The following IMMP2L variants were observed in gnomAD, a reference collection of about 807,000 sequenced individuals.
IMMP2L encodes inner mitochondrial membrane peptidase subunit 2.
IMMP2L carries 18 observed loss-of-function variants against 19.3 expected under a neutral mutation model. The observed-to-expected ratio is 0.93, with a 90% confidence interval of 0.64 to 1.38. The LOEUF is 1.38. Among genes scored for constraint, IMMP2L ranks in the 40% most tolerant of loss-of-function variants. The pLI, the probability that IMMP2L is intolerant of heterozygous loss-of-function variation, is 0.00. For missense variants in IMMP2L, 233 were observed against 218.2 expected (o/e 1.07, Z -0.43); for synonymous variants, 76 against 73.0 (o/e 1.04, Z -0.21).
intron 3 of IMMP2L, among the ~76,000 whole-genome samples, chr7:111,210,907 A>ATAAG (rs1209168603): frequency 1.3e-5 from 2 of 151,520 alleles, no homozygotes; most frequent in Non-Finnish European, 2.9e-5. Context: ...GTAGATAAGG[A>ATAAG]TAAGGCCTTT....
At chr7:110,999,988 C>T (rs1823491483) in intron 3 of IMMP2L, among the ~76,000 whole-genome samples, 1 of 152,168 alleles carries the variant, frequency 6.6e-6, no homozygotes, top group Non-Finnish European at 1.5e-5. Flanking sequence ...ACTCCCTTTT[C>T]TCTGGAATAT....
At chr7:110,899,205 A>G (rs931338249) in intron 4 of IMMP2L, among the ~76,000 whole-genome samples, 5 of 152,128 alleles carry the variant, frequency 3.3e-5, no homozygotes, top group African/African-American at 1.2e-4. Flanking sequence ...TTATCTACTA[A>G]TAACATTTCT....
chr7:111,393,057 C>T (rs553587839), intron 3 of IMMP2L: 30 of 316,578 alleles, frequency 9.5e-5, no homozygotes, highest in Non-Finnish European at 1.9e-4. Flanking sequence ...ATCTCCAGCC[C>T]CTTTGCCCTC....
intron 5 of IMMP2L, among the ~76,000 whole-genome samples, chr7:110,863,808 T>C (rs1807703106): frequency 6.6e-6 from 1 of 152,152 alleles, no homozygotes; most frequent in African/African-American, 2.4e-5. Context: ...TTTCAGCTTA[T>C]GATGGTTTTA....
intron 3 of IMMP2L, among the ~76,000 whole-genome samples, chr7:111,054,310 C>A (rs1793290605): frequency 6.6e-6 from 1 of 152,070 alleles, no homozygotes; most frequent in Non-Finnish European, 1.5e-5. Context: ...ATTTTTTAAG[C>A]ATAAGAGCTT....
intron 3 of IMMP2L, among the ~76,000 whole-genome samples, chr7:111,057,924 C>A (rs1000941336): frequency 2.0e-5 from 3 of 151,952 alleles, no homozygotes; most frequent in Non-Finnish European, 4.4e-5. Context: ...TATATACATA[C>A]CTGCACATAT....
chr7:111,121,456 G>A (rs1006911026), intron 3 of IMMP2L, among the ~76,000 whole-genome samples: 5 of 152,144 alleles, frequency 3.3e-5, no homozygotes, highest in African/African-American at 9.7e-5. Flanking sequence ...AGACATTTAT[G>A]CAGCCAAAAG....
At chr7:110,896,298 G>T (rs1389051969) in intron 4 of IMMP2L, among the ~76,000 whole-genome samples, 1 of 152,096 alleles carries the variant, frequency 6.6e-6, no homozygotes, top group Non-Finnish European at 1.5e-5. Context: ...TTGCTAAAAT[G>T]ATGATAGATT....
chr7:111,386,858 C>T (rs1831808939), intron 3 of IMMP2L, among the ~76,000 whole-genome samples: 1 of 152,054 alleles, frequency 6.6e-6, no homozygotes, highest in African/African-American at 2.4e-5. Context: ...CAATTATATT[C>T]TACCTTGTAA....
chr7:110,694,165 T>A (rs929276669), intron 5 of IMMP2L, among the ~76,000 whole-genome samples: 1 of 152,106 alleles, frequency 6.6e-6, no homozygotes, highest in Non-Finnish European at 1.5e-5. Flanking sequence ...TTATTTCTTT[T>A]TCCAATTCAA....
At chr7:111,450,511 G>C (rs998204345) in intron 3 of IMMP2L, among the ~76,000 whole-genome samples, 41 of 151,524 alleles carry the variant, frequency 2.7e-4, no homozygotes, top group African/African-American at 8.0e-4. Context: ...GCCATATGTA[G>C]AAAGCTGAAA....
At chr7:110,702,533 G>A (rs1022673011) in intron 5 of IMMP2L, among the ~76,000 whole-genome samples, 3 of 152,080 alleles carry the variant, frequency 2.0e-5, no homozygotes, top group Non-Finnish European at 4.4e-5. Flanking sequence ...TTAACAATAT[G>A]GAGCTTTGCT....
intron 5 of IMMP2L, among the ~76,000 whole-genome samples, chr7:110,783,910 T>C (rs1274438352): frequency 6.6e-6 from 1 of 151,920 alleles, no homozygotes; most frequent in Non-Finnish European, 1.5e-5. Flanking sequence ...CATGGAGCTT[T>C]GGTCCCTCCA....
intron 3 of IMMP2L, among the ~76,000 whole-genome samples, chr7:111,144,833 A>C (rs1803297790): frequency 6.6e-6 from 1 of 152,164 alleles, no homozygotes; most frequent in Non-Finnish European, 1.5e-5. Flanking sequence ...TGTTACTAAC[A>C]GTCTTGCAAA....
At chr7:111,147,366 T>G (rs1440951766) in intron 3 of IMMP2L, among the ~76,000 whole-genome samples, 1 of 152,146 alleles carries the variant, frequency 6.6e-6, no homozygotes, top group Admixed American at 6.6e-5. Flanking sequence ...GGGACTTTTC[T>G]GAAATTCTTT....
chr7:111,349,789 C>T (rs1483523904), intron 3 of IMMP2L, among the ~76,000 whole-genome samples: 1 of 152,036 alleles, frequency 6.6e-6, no homozygotes, highest in Non-Finnish European at 1.5e-5. Flanking sequence ...TCATGAGGCC[C>T]AATCCAGCCT....
intron 3 of IMMP2L, among the ~76,000 whole-genome samples, chr7:111,258,348 A>G (rs1816951427): frequency 6.6e-6 from 1 of 152,108 alleles, no homozygotes; most frequent in African/African-American, 2.4e-5. Context: ...CAAGAAGATC[A>G]AGGGTAAAAT....
At chr7:110,668,612 AC>A (rs1349767281) in intron 5 of IMMP2L, among the ~76,000 whole-genome samples, 1 of 152,148 alleles carries the variant, frequency 6.6e-6, no homozygotes, top group African/African-American at 2.4e-5. Flanking sequence ...CACTCATTTT[AC>A]CAAAACCAAT....
chr7:111,225,396 T>C (rs561378911), intron 3 of IMMP2L, among the ~76,000 whole-genome samples: 29 of 152,146 alleles, frequency 1.9e-4, no homozygotes, highest in African/African-American at 6.7e-4. Flanking sequence ...ATAAAATGCA[T>C]AAACATTTGG....
Sources: gnomAD v4.1 joint callset for allele counts (sites outside exome capture counted in the v4.1 genomes callset) on GRCh38, gnomAD v4.1.1 for gene constraint, MANE v1.5 for transcripts, NCBI Gene and HGNC (gene_info 2026-07-23, HGNC 2026-07-21) for gene names.